CLVS1: variants seen among roughly 807,000 people sequenced by gnomAD.
CLVS1 encodes the protein clavesin 1.
CLVS1 carries 10 observed loss-of-function variants against 33.1 expected under a neutral mutation model. The ratio of observed to expected loss-of-function variants is 0.30; its 90% confidence interval spans 0.19 to 0.51. The LOEUF (loss-of-function observed/expected upper bound fraction) is 0.51. Ranked by LOEUF, CLVS1 falls within the 20% of genes least tolerant of loss-of-function variation. CLVS1 has a pLI of 0.97. For synonymous variants in CLVS1, 163 were observed against 166.1 expected (o/e 0.98, Z 0.14); for missense variants, 343 against 433.4 (o/e 0.79, Z 1.85).
exon 2 of CLVS1, chr8:61,131,853 G>A (rs1806104660): frequency 6.6e-6 from 1 of 152,142 alleles, no homozygotes; most frequent in Non-Finnish European, 1.5e-5. Context: ...TTATCAGCCA[G>A]GAAAAAGGTG....
chr8:60,994,401 C>T, the CLVS1 span, among the ~76,000 whole-genome samples: 1 of 152,294 alleles, frequency 6.6e-6, no homozygotes, highest in Admixed American at 6.5e-5. Context: ...GAACCAGAAA[C>T]TGTATGTTAA....
intron 2 of CLVS1, among the ~76,000 whole-genome samples, chr8:61,241,547 A>T (rs746232986): frequency 7.9e-5 from 12 of 152,142 alleles, no homozygotes; most frequent in Admixed American, 2.6e-4. Context: ...TATAAAAATT[A>T]AAAAAATGCA....
At chr8:61,064,017 T>C (rs1484870951) in intron 1 of CLVS1, among the ~76,000 whole-genome samples, 1 of 152,224 alleles carries the variant, frequency 6.6e-6, no homozygotes, top group East Asian at 1.9e-4. Flanking sequence ...CTTAACATAA[T>C]GTCTTCAGGT....
intron 2 of CLVS1, among the ~76,000 whole-genome samples, chr8:61,282,247 T>C (rs1365202305): frequency 6.6e-6 from 1 of 152,142 alleles, no homozygotes; most frequent in Non-Finnish European, 1.5e-5. Context: ...ATGGGGAAAG[T>C]TGCAGAGCGA....
chr8:61,416,484 A>C (rs1462878710), intron 3 of CLVS1, among the ~76,000 whole-genome samples: 2 of 152,208 alleles, frequency 1.3e-5, no homozygotes, highest in African/African-American at 4.8e-5. Flanking sequence ...CTGTCTTGCA[A>C]AATATGAAAC....
Position 61,310,826 on chromosome 8 carries a change from A to G in CLVS1, c.455+10544A>G, listed in dbSNP as rs113228590. Reference sequence around the variant, plus strand: ...AAGCCTGATTTAAGATAGCGATTGAAGGCATCATTTCTGCCTTGCATTGAA... The same window carrying G: ...AAGCCTGATTTAAGATAGCGATTGAGGGCATCATTTCTGCCTTGCATTGAA... On this transcript the variant is annotated intron_variant, in intron 2 of 5. Transcript: ENST00000325897. Among the ~76,000 whole-genome samples, 117 of 152,370 alleles carry G rather than the reference A, an allele frequency of 7.7e-4. 1 individual carries two copies. The Middle Eastern group carries it at 0.014, about 18-fold the overall frequency.
chr8:61,456,431 A>G (rs757643977), intron 4 of CLVS1, among the ~76,000 whole-genome samples: 1 of 152,218 alleles, frequency 6.6e-6, no homozygotes, highest in Non-Finnish European at 1.5e-5. Flanking sequence ...AAATTCAGTC[A>G]TACTCAAGTG....
intron 2 of CLVS1, among the ~76,000 whole-genome samples, chr8:61,192,713 A>G (rs1585677667): frequency 6.6e-6 from 1 of 152,340 alleles, no homozygotes; most frequent in East Asian, 1.9e-4. Flanking sequence ...GGCAAAGGAT[A>G]TGAACAGACT....
At chr8:60,977,968 G>A in the CLVS1 span, among the ~76,000 whole-genome samples, 1 of 152,222 alleles carries the variant, frequency 6.6e-6, no homozygotes, top group Non-Finnish European at 1.5e-5. Flanking sequence ...ACAGCCAATT[G>A]CTCCTCAGGA....
Position 61,500,256 on chromosome 8 carries a change from G to A in CLVS1, c.*714G>A, listed in dbSNP as rs1804570838. 6.6e-6 allele frequency: 1 copy of A among 152,256 alleles called. No homozygotes were observed. Among genetic ancestry groups the A allele is most frequent in the African/African-American group, 2.4e-5 (1 of 41,458 alleles). The allele number at this position is 152,256 out of a possible 1,614,324, so 9.4% of individuals were successfully genotyped here. On this transcript the variant is annotated 3_prime_UTR_variant, in exon 6 of 6. Transcript: ENST00000325897. Reference sequence around the variant, plus strand: ...CGATTATTTCATCTGAGCAATGTGAGTTACCACAGGCAGCTCAAAAGCCCA... The same window carrying A: ...CGATTATTTCATCTGAGCAATGTGAATTACCACAGGCAGCTCAAAAGCCCA...
At chr8:61,033,649 C>T in the CLVS1 span, among the ~76,000 whole-genome samples, 2 of 152,198 alleles carry the variant, frequency 1.3e-5, no homozygotes, top group African/African-American at 4.8e-5. Flanking sequence ...TCTGGAACAG[C>T]CTGGGAGCTT....
At chr8:61,310,291 G>A (rs1371957644) in intron 2 of CLVS1, among the ~76,000 whole-genome samples, 1 of 152,182 alleles carries the variant, frequency 6.6e-6, no homozygotes, top group Non-Finnish European at 1.5e-5. Context: ...TACTGAGGCA[G>A]TAATGCTCTT....
At chr8:61,251,534 G>C (rs749315779) in intron 2 of CLVS1, among the ~76,000 whole-genome samples, 14 of 152,030 alleles carry the variant, frequency 9.2e-5, no homozygotes, top group Admixed American at 5.2e-4. Context: ...CTATAAATCT[G>C]TCTGGTCCTG....
chr8:61,042,456 T>C, the CLVS1 span, among the ~76,000 whole-genome samples: 2 of 152,202 alleles, frequency 1.3e-5, no homozygotes, highest in Non-Finnish European at 2.9e-5. Context: ...AAACAATGTA[T>C]GTGAAATTTG....
chr8:61,033,060 AT>A, the CLVS1 span, among the ~76,000 whole-genome samples: 32 of 61,740 alleles, frequency 5.2e-4, 1 homozygote, highest in Middle Eastern at 9.6e-3. Context: ...AGAAAGAAAG[AT>A]AGAAAGAAAG....
intron 1 of CLVS1, among the ~76,000 whole-genome samples, chr8:61,126,161 T>C (rs1805964439): frequency 6.6e-6 from 1 of 152,102 alleles, no homozygotes; most frequent in East Asian, 1.9e-4. Context: ...TTCTCTCTTC[T>C]CTTTACACAC....
At chr8:61,346,562 A>T (rs1262306958) in intron 2 of CLVS1, among the ~76,000 whole-genome samples, 1 of 152,182 alleles carries the variant, frequency 6.6e-6, no homozygotes, top group Non-Finnish European at 1.5e-5. Flanking sequence ...AAGGCAGCAC[A>T]CAATTAATTT....
chr8:61,034,491 C>G, the CLVS1 span, among the ~76,000 whole-genome samples: 1 of 152,022 alleles, frequency 6.6e-6, no homozygotes, highest in Non-Finnish European at 1.5e-5. Context: ...TTTCTTTTGT[C>G]TAGCTGAAAC....
At chr8:61,089,536 C>T (rs937761423) in intron 1 of CLVS1, among the ~76,000 whole-genome samples, 5 of 152,142 alleles carry the variant, frequency 3.3e-5, no homozygotes, top group East Asian at 1.9e-4. Context: ...GGTTTGATTA[C>T]TGCTTCTTTA....
Sources: gnomAD v4.1 joint callset for allele counts (sites outside exome capture counted in the v4.1 genomes callset) on GRCh38, gnomAD v4.1.1 for gene constraint, MANE v1.5 for transcripts, NCBI Gene and HGNC (gene_info 2026-07-23, HGNC 2026-07-21) for gene names.